MEIKIN: variants seen among roughly 807,000 people sequenced by gnomAD.
The protein encoded by MEIKIN is meiotic kinetochore factor.
rs1185276984 is a variant in MEIKIN, at chr5:131,825,686, A to ATCTGGCTGG, written c.976-6824_976-6823insCCAGCCAGA. On this transcript the variant is annotated intron_variant, in intron 11 of 12. Coordinates refer to ENST00000442687, the MANE Select transcript of MEIKIN (RefSeq NM_001303622.2). The stretch of plus-strand genomic sequence containing the variant: ...ACCATAAACCACATTGTTTGCATAA[A>ATCTGGCTGG]CTATCTGGCAAGGCCCAAGACCTCA... Among the ~76,000 whole-genome samples, 61 of 152,274 alleles carry ATCTGGCTGG rather than the reference A, an allele frequency of 4.0e-4. 1 individual carries two copies. The highest frequency in any genetic ancestry group is 8.2e-4 in the Non-Finnish European group (56 of 68,010).
At chr5:131,927,009 C>T (rs1475166214) in intron 5 of MEIKIN, among the ~76,000 whole-genome samples, 3 of 152,084 alleles carry the variant, frequency 2.0e-5, no homozygotes, top group South Asian at 2.1e-4. Flanking sequence ...TTTATTTCTG[C>T]TCTAAATTTT....
At chr5:131,872,355 A>G (rs1750520606) in intron 9 of MEIKIN, among the ~76,000 whole-genome samples, 1 of 152,254 alleles carries the variant, frequency 6.6e-6, no homozygotes, top group Non-Finnish European at 1.5e-5. Flanking sequence ...ACGAATGCAC[A>G]AGCCTCAGTA....
At chr5:131,885,383 G>GAA (rs1750772726) in intron 8 of MEIKIN, among the ~76,000 whole-genome samples, 1 of 96,544 alleles carries the variant, frequency 1.0e-5, no homozygotes, top group African/African-American at 4.3e-5. Flanking sequence ...GAGAGAGAGA[G>GAA]AGAGAGAGAG....
chr5:131,815,649 G>T (rs929497396), intron 12 of MEIKIN, among the ~76,000 whole-genome samples: 1 of 152,206 alleles, frequency 6.6e-6, no homozygotes, highest in East Asian at 1.9e-4. Context: ...GACTACCAAG[G>T]AGAATCTGAA....
chr5:131,906,668 T>C (rs1202053942), intron 8 of MEIKIN, among the ~76,000 whole-genome samples: 3 of 152,200 alleles, frequency 2.0e-5, no homozygotes, highest in Non-Finnish European at 4.4e-5. Flanking sequence ...ATATACACCA[T>C]GGAATGCCAT....
intron 11 of MEIKIN, among the ~76,000 whole-genome samples, chr5:131,833,425 G>A (rs4538604): frequency 0.43 from 64,960 of 152,046 alleles, 16,944 homozygotes; most frequent in Non-Finnish European, 0.57. Flanking sequence ...GTCTCTAGAA[G>A]GTTCCAAACT....
intron 8 of MEIKIN, among the ~76,000 whole-genome samples, chr5:131,911,326 G>A (rs1237274374): frequency 6.6e-6 from 1 of 151,972 alleles, no homozygotes; most frequent in Non-Finnish European, 1.5e-5. Context: ...TATAAAACTT[G>A]ATGCAGGAAA....
At chr5:131,906,663 C>T (rs772910249) in intron 8 of MEIKIN, among the ~76,000 whole-genome samples, 47 of 152,170 alleles carry the variant, frequency 3.1e-4, no homozygotes, top group Non-Finnish European at 5.6e-4. Flanking sequence ...GGTACATATA[C>T]ACCATGGAAT....
intron 11 of MEIKIN, among the ~76,000 whole-genome samples, chr5:131,831,073 T>G (rs563664587): frequency 1.1e-4 from 17 of 152,302 alleles, no homozygotes; most frequent in African/African-American, 3.4e-4. Context: ...AATTTTTGTA[T>G]TTTTAGAAGA....
intron 9 of MEIKIN, among the ~76,000 whole-genome samples, chr5:131,860,620 T>TA (rs999514692): frequency 6.3e-4 from 96 of 151,812 alleles, no homozygotes; most frequent in African/African-American, 2.2e-3. Context: ...AATTTTTTTT[T>TA]TTATTTTTAG....
At chr5:131,872,932 A>C (rs932643331) in intron 9 of MEIKIN, among the ~76,000 whole-genome samples, 52 of 152,386 alleles carry the variant, frequency 3.4e-4, no homozygotes, top group Non-Finnish European at 2.4e-4. Context: ...AAAATCCTTT[A>C]CAGACAAGCA....
chr5:131,941,284 G>T (rs865964504), intron 4 of MEIKIN, among the ~76,000 whole-genome samples: 1 of 147,934 alleles, frequency 6.8e-6, no homozygotes, highest in African/African-American at 2.5e-5. Flanking sequence ...TCAGCCTCCC[G>T]AGTAGCTGGG....
In MEIKIN at chr5:131,844,170, C is replaced by G. The variant is rs372972387; in HGVS notation, c.975+7094G>C. On this transcript the variant is annotated intron_variant, in intron 11 of 12. Transcript: ENST00000442687. Reference sequence around the variant, plus strand: ...AAGAACAGCAAGGGGGAAACTGCCCCCATGATTCAATCACCTCCCACTAGA... The same window carrying G: ...AAGAACAGCAAGGGGGAAACTGCCCGCATGATTCAATCACCTCCCACTAGA... Among the ~76,000 whole-genome samples the G allele has an allele frequency of 6.6e-5, 10 of 152,030 alleles. No homozygotes were observed. The East Asian group carries it at 9.7e-4, about 15-fold the overall frequency.
At chr5:131,869,183 T>C (rs1750441142) in intron 9 of MEIKIN, among the ~76,000 whole-genome samples, 1 of 152,242 alleles carries the variant, frequency 6.6e-6, no homozygotes, top group African/African-American at 2.4e-5. Context: ...TCTAGGTTCA[T>C]GTTTTTGCAT....
At chr5:131,883,995 C>T (rs1750736841) in intron 8 of MEIKIN, among the ~76,000 whole-genome samples, 1 of 152,180 alleles carries the variant, frequency 6.6e-6, no homozygotes. Context: ...AGGGAAATCG[C>T]CCATTCCAAC....
rs1340139469 is a variant in MEIKIN at position 131,813,655 on chromosome 5, CTGATCTCA to C, written c.1099+5077_1099+5084del. On this transcript the variant is annotated intron_variant, in intron 12 of 12. Transcript: ENST00000442687. ...TGTTAGCCAGGACGGTCTCGATCTC[CTGATCTCA>C]TGATCCGCCCGCCTCAGCCTCCCGA... Among the ~76,000 whole-genome samples the C allele has an allele frequency of 2.0e-5, 3 of 151,946 alleles. No individual in the cohort carries two copies. In the East Asian group the frequency reaches 5.8e-4, roughly 29 times the overall value.
At chr5:131,816,678 T>C (rs1773107135) in intron 12 of MEIKIN, among the ~76,000 whole-genome samples, 1 of 152,200 alleles carries the variant, frequency 6.6e-6, no homozygotes, top group East Asian at 1.9e-4. Context: ...ATATATAAAA[T>C]TGGCTTTTTC....
intron 9 of MEIKIN, among the ~76,000 whole-genome samples, chr5:131,872,590 G>T (rs56805818): frequency 0.027 from 4,039 of 152,256 alleles, 186 homozygotes; most frequent in African/African-American, 0.092. Context: ...TATTATCCAG[G>T]AGAACTTCCC....
chr5:131,818,602 A>G (rs1773143925), intron 12 of MEIKIN, 138 bp downstream of exon 12: 1 of 353,074 alleles, frequency 2.8e-6, no homozygotes, highest in Non-Finnish European at 5.1e-6. Flanking sequence ...AGGCTTTTAT[A>G]ATTTTACCAT....
Sources: gnomAD v4.1 joint callset for allele counts (sites outside exome capture counted in the v4.1 genomes callset) on GRCh38, gnomAD v4.1.1 for gene constraint, MANE v1.5 for transcripts, NCBI Gene and HGNC (gene_info 2026-07-23, HGNC 2026-07-21) for gene names.